CASZ1: variants seen among roughly 807,000 people sequenced by gnomAD.
CASZ1 encodes zinc finger protein castor homolog 1.
CASZ1 carries 28 observed loss-of-function variants against 135.2 expected under a neutral mutation model. The ratio of observed to expected loss-of-function variants is 0.21; its 90% confidence interval spans 0.15 to 0.28. CASZ1 has a LOEUF of 0.28. Ranked by LOEUF, CASZ1 falls within the 10% of genes least tolerant of loss-of-function variation. The pLI, the probability that CASZ1 is intolerant of heterozygous loss-of-function variation, is 1.00. For synonymous variants in CASZ1, 1,068 were observed against 1,073.4 expected, an observed-to-expected ratio of 0.99 and a Z score of 0.10; for missense variants, 2,161 against 2,453.3, an observed-to-expected ratio of 0.88 and a Z score of 2.52.
chr1:10,788,269 C>G lies in CASZ1; in HGVS notation c.-234+8295G>C, dbSNP rs1409457570. ...CTCACAGAGCAACCTGAGTGCTAGC[C>G]CCGATCCACCTATGGGGTCCCCTGG... On this transcript the variant is annotated intron_variant, in intron 1 of 20. Transcript: ENST00000377022. This position sits in a 1 kb window ranked among gnomAD's most constrained non-coding sequence, Gnocchi z 4.1. Among the ~76,000 whole-genome samples the G allele has an allele frequency of 2.6e-5, 4 of 152,116 alleles. No individual in the cohort carries two copies. The highest frequency in any genetic ancestry group is 9.7e-5 in the African/African-American group (4 of 41,412).
rs1186689364 is a variant in CASZ1, at chr1:10,637,618, CTCGGGCAGCCTG to C, written c.*1312_*1323del. ...AGTAGGGAAGGTGGGCAGGTGTGGC[CTCGGGCAGCCTG>C]CCCTCGCAGGGGACTCGGTCCCCGG... is the stretch of plus-strand genomic sequence containing the variant. On this transcript the variant is annotated 3_prime_UTR_variant, in exon 21 of 21. Coordinates refer to ENST00000377022, the MANE Select transcript of CASZ1 (RefSeq NM_001079843.3). 1 of 152,290 alleles carries C rather than the reference CTCGGGCAGCCTG, an allele frequency of 6.6e-6. No homozygotes were observed. The highest frequency in any genetic ancestry group is 2.4e-5 in the African/African-American group (1 of 41,404). 9.4% of individuals were successfully genotyped at this position (152,290 alleles called of 1,614,324 possible).
At position 10,700,595 on chromosome 1, in the gene CASZ1, TC is replaced by T. The variant is rs1161542152; in HGVS notation, c.-24+4896del. On this transcript the variant is annotated intron_variant, in intron 3 of 20. Transcript: ENST00000377022. The surrounding 1 kb of genome is among the most constrained non-coding windows in gnomAD (Gnocchi z 4.2). ...GGGGGTTAGCCAGGACATCAAGCAA[TC>T]CCTCATGGAGCACCAGCTCTGGAGT... Among the ~76,000 whole-genome samples the T allele has an allele frequency of 1.3e-5, 2 of 152,088 alleles. No homozygotes were observed. The highest frequency in any genetic ancestry group is 2.9e-5 in the Non-Finnish European group (2 of 68,018).
chr1:10,676,051 C>T lies in CASZ1; in HGVS notation c.17-10480G>A, dbSNP rs570864304. ...AGTCAGGATGAACCAGGCGCCCAAC[C>T]CCAGCAGCCAGGGAGGGGCCCCAGG... On this transcript the variant is annotated intron_variant, in intron 4 of 20. Coordinates refer to ENST00000377022, the MANE Select transcript of CASZ1 (RefSeq NM_001079843.3). The surrounding 1 kb of genome is among the most constrained non-coding windows in gnomAD (Gnocchi z 4.5). Among the ~76,000 whole-genome samples, 140 of 152,302 alleles carry T rather than the reference C, an allele frequency of 9.2e-4. No individual in the cohort carries two copies. Among genetic ancestry groups the T allele is most frequent in the Non-Finnish European group, 1.6e-3 (110 of 68,014 alleles).
chr1:10,645,584 C>T (rs934857282), intron 17 of CASZ1, among the ~76,000 whole-genome samples: 3 of 152,220 alleles, frequency 2.0e-5, no homozygotes, highest in Non-Finnish European at 2.9e-5. Context: ...AGCCTGGTAA[C>T]CTTGCAGGCC....
At chr1:10,662,976 C>T (rs1179533748) in intron 5 of CASZ1, among the ~76,000 whole-genome samples, 1 of 152,220 alleles carries the variant, frequency 6.6e-6, no homozygotes, top group East Asian at 1.9e-4. Context: ...AGTGCACACG[C>T]ACACCTGCCC....
Position 10,694,761 on chromosome 1 carries a change from C to T in CASZ1, c.-23-849G>A, listed in dbSNP as rs1173042229. The stretch of plus-strand genomic sequence containing the variant: ...CCGGCTCCATTGGCTCTGCGATTCC[C>T]CAAACCTCTGGCTCCGGGAGGAGGA... On this transcript the variant is annotated intron_variant, in intron 3 of 20. Coordinates refer to ENST00000377022, the MANE Select transcript of CASZ1 (RefSeq NM_001079843.3). The surrounding 1 kb of genome is among the most constrained non-coding windows in gnomAD (Gnocchi z 6.6). Among the ~76,000 whole-genome samples the T allele has an allele frequency of 6.9e-6, 1 of 145,196 alleles. No homozygotes were observed. The highest frequency in any genetic ancestry group is 1.5e-5 in the Non-Finnish European group (1 of 65,346).
intron 11 of CASZ1, 124 bp downstream of exon 11, chr1:10,653,253 G>T: frequency 9.6e-7 from 1 of 1,037,778 alleles, no homozygotes; most frequent in Non-Finnish European, 1.5e-6. Flanking sequence ...AGGGGGTGCT[G>T]GCAAGCAGGG....
chr1:10,665,182 C>T lies in CASZ1; in HGVS notation c.406G>A (p.Ala136Thr), dbSNP rs200900927. ...CCGCCGTCCTTGGAGGGCTCCTCCGCGTGGTCTTCCTCATCGCTGCACCCC... is the reference window on the plus strand; with the variant it reads ...CCGCCGTCCTTGGAGGGCTCCTCCGTGTGGTCTTCCTCATCGCTGCACCCC... The part of the protein sequence containing the change: ...PQGCSDEEDH[A>T]EEPSKDGGAL... Residue 136 changes from alanine to threonine, a missense_variant, in exon 5 of 21, where the codon GCG becomes ACG. This residue lies in a region of CASZ1 where 590 missense variants were observed against 609.8 expected (regional missense o/e 0.97). Coordinates refer to ENST00000377022, the MANE Select transcript of CASZ1 (RefSeq NM_001079843.3). The T allele has an allele frequency of 8.3e-6, 13 of 1,569,540 alleles. No individual in the cohort carries two copies. The highest frequency in any genetic ancestry group is 1.1e-5 in the Non-Finnish European group (13 of 1,154,472).
At chr1:10,723,747 T>TG (rs1639546429) in intron 2 of CASZ1, among the ~76,000 whole-genome samples, 2 of 152,210 alleles carry the variant, frequency 1.3e-5, no homozygotes, top group Non-Finnish European at 2.9e-5. Context: ...CTTTTCTCCA[T>TG]GGCCTGGGTC....
intron 8 of CASZ1, 94 bp downstream of exon 8, chr1:10,656,552 A>ACC: frequency 2.2e-6 from 2 of 920,856 alleles, no homozygotes; most frequent in Non-Finnish European, 3.4e-6. Context: ...ACTAGAACTA[A>ACC]CCCCCCCCAC....
rs912810438 is a variant in CASZ1 at position 10,777,409 on chromosome 1, A to G, written c.-233-16552T>C. On this transcript the variant is annotated intron_variant, in intron 1 of 20. Coordinates refer to ENST00000377022, the MANE Select transcript of CASZ1 (RefSeq NM_001079843.3). This position sits in a 1 kb window ranked among gnomAD's most constrained non-coding sequence, Gnocchi z 4.4. ...CTCTTATTGGTCAAACCACCGCATC[A>G]TTCCCACAAAATCCTCTGAGCTCAT... 6.6e-6 allele frequency among the ~76,000 whole-genome samples: 1 copy of G among 152,118 alleles called. No individual in the cohort carries two copies. The highest frequency in any genetic ancestry group is 1.5e-5 in the Non-Finnish European group (1 of 68,024).
At chr1:10,655,476 G>A (rs559061785) in intron 9 of CASZ1, among the ~76,000 whole-genome samples, 173 bp downstream of exon 9, 3 of 152,370 alleles carry the variant, frequency 2.0e-5, no homozygotes, top group African/African-American at 7.2e-5. Context: ...TGAACCCCCA[G>A]GACCCTCCTG....
In CASZ1 at chr1:10,705,537, A is replaced by G. The variant is rs1639152937; in HGVS notation, c.-69T>C. ...CTCCTCGGATGTAGCTGGGGGTGTC[A>G]CTTCATCCTGGAGAGGCAGAGAGAG... is the stretch of plus-strand genomic sequence containing the variant. On this transcript the variant is annotated 5_prime_UTR_variant, in exon 3 of 21. An upstream open reading frame in the 5' UTR loses its in-frame stop. Transcript: ENST00000377022. The G allele has an allele frequency of 1.3e-5, 2 of 152,334 alleles. No individual in the cohort carries two copies. The highest frequency in any genetic ancestry group is 4.1e-4 in the South Asian group (2 of 4,838). 9.4% of individuals were successfully genotyped at this position (152,334 alleles called of 1,614,324 possible).
At chr1:10,642,577 G>A (rs187131576) in intron 20 of CASZ1, among the ~76,000 whole-genome samples, 2 of 152,188 alleles carry the variant, frequency 1.3e-5, no homozygotes, top group Non-Finnish European at 2.9e-5. Flanking sequence ...GGGAGGCAGC[G>A]GAGGAAGGAG....
chr1:10,639,310 C>T lies in CASZ1; in HGVS notation c.4912G>A (p.Gly1638Ser), dbSNP rs778779034. 7.0e-7 allele frequency: 1 copy of T among 1,419,582 alleles called. No homozygotes were observed. The highest frequency in any genetic ancestry group is 1.5e-5 in the South Asian group (1 of 68,338). 87.9% of individuals were successfully genotyped at this position (1,419,582 alleles called of 1,614,324 possible). A position where few individuals can be genotyped will look rare whatever the true frequency, so the allele number is the denominator to read the frequency against. Residue 1638 changes from glycine to serine, a missense_variant, in exon 21 of 21, where the codon GGC (glycine) becomes AGC (serine). Coordinates refer to ENST00000377022, the MANE Select transcript of CASZ1 (RefSeq NM_001079843.3). The surrounding 1 kb of genome is among the most constrained non-coding windows in gnomAD (Gnocchi z 4.0). ...GCGTCGCCCAGCGCCAGGCCCAGGCCGGCGGCCGCCGACTGCAGGAAGAGC... is the reference window on the plus strand; with the variant it reads ...GCGTCGCCCAGCGCCAGGCCCAGGCTGGCGGCCGCCGACTGCAGGAAGAGC... ...SLLFLQSAAA[G>S]LGLALGDAGD...
chr1:10,772,970 G>T (rs558225794), intron 1 of CASZ1, among the ~76,000 whole-genome samples: 1 of 152,222 alleles, frequency 6.6e-6, no homozygotes, highest in African/African-American at 2.4e-5. Flanking sequence ...GCTCCCGAAG[G>T]CTCTAGAACA....
Position 10,750,432 on chromosome 1 carries a change from G to A in CASZ1, c.-77+10269C>T, listed in dbSNP as rs183348540. Among the ~76,000 whole-genome samples, 239 of 152,026 alleles carry A rather than the reference G, an allele frequency of 1.6e-3. 2 individuals are homozygous for A. The highest frequency in any genetic ancestry group is 5.6e-3 in the African/African-American group (233 of 41,504). ...AATAGGTAGGACTACAGGTGCGTGC[G>A]CCACCACACCTGGCTAATTTTTATT... is the stretch of plus-strand genomic sequence containing the variant. On this transcript the variant is annotated intron_variant, in intron 2 of 20. Coordinates refer to ENST00000377022, the MANE Select transcript of CASZ1 (RefSeq NM_001079843.3).
rs1325774335 is a variant in CASZ1 at position 10,666,181 on chromosome 1, G to C, written c.17-610C>G. ...TCAGCCCCTGGCGGCTCCTCTGCCA[G>C]GCCAGGTCCCTGGGCCCTACCTGAC... is the stretch of plus-strand genomic sequence containing the variant. On this transcript the variant is annotated intron_variant, in intron 4 of 20. Coordinates refer to ENST00000377022, the MANE Select transcript of CASZ1 (RefSeq NM_001079843.3). The surrounding 1 kb of genome is among the most constrained non-coding windows in gnomAD (Gnocchi z 5.2). Among the ~76,000 whole-genome samples, 1 of 152,146 alleles carries C rather than the reference G, an allele frequency of 6.6e-6. No homozygotes were observed. The highest frequency in any genetic ancestry group is 1.5e-5 in the Non-Finnish European group (1 of 68,006).
Position 10,655,696 on chromosome 1 carries a change from G to T in CASZ1, c.1618C>A (p.His540Asn). 6.2e-7 allele frequency: 1 copy of T among 1,614,090 alleles called. No homozygotes were observed. The highest frequency in any genetic ancestry group is 8.5e-7 in the Non-Finnish European group (1 of 1,179,952). The change falls in exon 9 of 21, where the codon CAC (histidine) becomes AAC (asparagine). Residue 540 changes from histidine (H) to asparagine (N), a missense_variant. Physicochemically the swap from His to Asn is moderately conservative, Grantham distance 68. Around this residue, in one of 7 missense-constraint regions of CASZ1, gnomAD observed 248 missense variants for 410.8 expected, o/e 0.60. Transcript: ENST00000377022. ...SPLDDCSVYY[H>N]GCHLNGKSTH... Reference sequence around the variant, plus strand: ...CTCTTCCCATTGAGGTGGCAGCCGTGGTAGTAGACGCTGCAGTCGTCCAGC... The same window carrying T: ...CTCTTCCCATTGAGGTGGCAGCCGTTGTAGTAGACGCTGCAGTCGTCCAGC...
Sources: gnomAD v4.1 joint callset for allele counts (sites outside exome capture counted in the v4.1 genomes callset) on GRCh38, gnomAD v4.1.1 for gene constraint, gnomAD v4.1.1 regional missense constraint, Gnocchi (gnomAD v3.1) non-coding constraint, MANE v1.5 for transcripts, NCBI Gene and HGNC (gene_info 2026-07-23, HGNC 2026-07-21) for gene names.